SYN3: variants seen among roughly 807,000 people sequenced by gnomAD.
SYN3 encodes the protein synapsin-3.
In SYN3, 35 loss-of-function variants were observed where a neutral mutation model predicts 65.8. That is an observed-to-expected ratio of 0.53 (90% CI 0.41 to 0.70). The LOEUF is 0.70. Among genes scored for constraint, SYN3 ranks in the 30% least tolerant of loss-of-function variants. SYN3 has a pLI of 0.00. For synonymous variants in SYN3, 270 were observed against 292.9 expected (o/e 0.92, Z 0.80); for missense variants, 680 against 749.0 (o/e 0.91, Z 1.08).
chr22:32,679,030 T>C (rs1330469042), intron 6 of SYN3, among the ~76,000 whole-genome samples: 7 of 150,536 alleles, frequency 4.7e-5, no homozygotes, highest in Non-Finnish European at 1.0e-4. Flanking sequence ...AGACATTTTC[T>C]TTTTTCTTTG....
At chr22:33,000,450 G>A (rs133938) in intron 2 of SYN3, among the ~76,000 whole-genome samples, 60,168 of 151,936 alleles carry the variant, frequency 0.4, 12,314 homozygotes, top group Middle Eastern at 0.47. Context: ...GTTTTGGATC[G>A]TCCTCAAGGG....
intron 3 of SYN3, among the ~76,000 whole-genome samples, chr22:32,936,244 A>T (rs2050772998): frequency 6.6e-6 from 1 of 152,196 alleles, no homozygotes; most frequent in African/African-American, 2.4e-5. Flanking sequence ...ATTACATATC[A>T]GTTTTCAGGA....
intron 7 of SYN3, among the ~76,000 whole-genome samples, chr22:32,546,133 A>G (rs977854691): frequency 1.3e-5 from 2 of 152,080 alleles, no homozygotes; most frequent in Non-Finnish European, 2.9e-5. Context: ...CCCACATTGT[A>G]TGACACCTGG....
chr22:32,582,811 C>A (rs144104717), intron 7 of SYN3, among the ~76,000 whole-genome samples: 2 of 152,198 alleles, frequency 1.3e-5, no homozygotes, highest in Non-Finnish European at 2.9e-5. Flanking sequence ...CCCAGATCAT[C>A]TGAATCGGTG....
intron 3 of SYN3, among the ~76,000 whole-genome samples, chr22:32,951,679 C>T (rs1326354665): frequency 6.6e-6 from 1 of 152,204 alleles, no homozygotes; most frequent in Non-Finnish European, 1.5e-5. Flanking sequence ...TCAGCTGGGA[C>T]CCATACCCAG....
chr22:32,683,638 C>T (rs1362315886), intron 6 of SYN3, among the ~76,000 whole-genome samples: 2 of 152,064 alleles, frequency 1.3e-5, no homozygotes, highest in African/African-American at 4.8e-5. Context: ...ATGGTGATCC[C>T]GTGTGTTTCT....
At chr22:32,852,944 T>C (rs2048264166) in intron 6 of SYN3, among the ~76,000 whole-genome samples, 1 of 152,192 alleles carries the variant, frequency 6.6e-6, no homozygotes, top group Admixed American at 6.5e-5. Context: ...AGACATGCTC[T>C]CCAGCTGGCT....
At chr22:32,787,856 G>A (rs956896986) in intron 6 of SYN3, among the ~76,000 whole-genome samples, 6 of 152,100 alleles carry the variant, frequency 3.9e-5, no homozygotes, top group African/African-American at 1.2e-4. Context: ...AGAATTAGAA[G>A]GATCTGACTG....
At chr22:32,716,243 T>C (rs1009701739) in intron 6 of SYN3, among the ~76,000 whole-genome samples, 54 of 152,212 alleles carry the variant, frequency 3.5e-4, no homozygotes, top group Admixed American at 1.1e-3. Context: ...GTCTGTCTAC[T>C]TGGACATGTG....
rs570984852 is a variant in SYN3, at chr22:32,837,988, C to T, written c.711+26927G>A. Among the ~76,000 whole-genome samples the T allele has an allele frequency of 7.2e-5, 11 of 152,186 alleles. No individual in the cohort carries two copies. Among genetic ancestry groups the T allele is most frequent in the Non-Finnish European group, 1.3e-4 (9 of 68,034 alleles). ...TAACTGTCTCTAGTGATTCTCTGAT[C>T]CCAGCTCAGGCAGGATGTCTCCCTC... On this transcript the variant is annotated intron_variant, in intron 6 of 13. Transcript: ENST00000358763. The surrounding 1 kb of genome is among the most constrained non-coding windows in gnomAD (Gnocchi z 4.1).
At chr22:32,711,695 A>G (rs2060968302) in intron 6 of SYN3, among the ~76,000 whole-genome samples, 1 of 152,212 alleles carries the variant, frequency 6.6e-6, no homozygotes, top group South Asian at 2.1e-4. Context: ...GCAAGCCAAG[A>G]GGTCTATTCA....
intron 6 of SYN3, among the ~76,000 whole-genome samples, chr22:32,803,943 C>T (rs1018260506): frequency 6.6e-6 from 1 of 152,186 alleles, no homozygotes; most frequent in African/African-American, 2.4e-5. Flanking sequence ...TGAAAACAAG[C>T]ATGAGTAGAT....
intron 6 of SYN3, among the ~76,000 whole-genome samples, chr22:32,724,948 G>A (rs546087321): frequency 6.6e-6 from 1 of 152,246 alleles, no homozygotes; most frequent in African/African-American, 2.4e-5. Flanking sequence ...GTGAAATCCT[G>A]TCTCTACTAA....
chr22:32,976,999 G>T (rs796096722), intron 3 of SYN3, among the ~76,000 whole-genome samples: 45 of 151,994 alleles, frequency 3.0e-4, no homozygotes, highest in African/African-American at 9.9e-4. Context: ...ATTCCTGGGG[G>T]GGGGGTTGCT....
intron 4 of SYN3, among the ~76,000 whole-genome samples, chr22:32,900,142 T>C (rs1354453592): frequency 6.6e-6 from 1 of 152,122 alleles, no homozygotes; most frequent in Admixed American, 6.6e-5. Context: ...AGCTAAAATA[T>C]TCTGAGAGAG....
At chr22:32,597,982 G>A (rs2059226461) in intron 6 of SYN3, among the ~76,000 whole-genome samples, 1 of 152,180 alleles carries the variant, frequency 6.6e-6, no homozygotes, top group African/African-American at 2.4e-5. Flanking sequence ...TTGTTCATGT[G>A]TTTTTTGAGG....
chr22:32,698,449 C>T (rs1042693887), intron 6 of SYN3, among the ~76,000 whole-genome samples: 5 of 152,282 alleles, frequency 3.3e-5, no homozygotes, highest in South Asian at 2.1e-4. Flanking sequence ...AATCTCTTAC[C>T]GTTTCTTTCA....
At chr22:32,537,497 G>A (rs2058185481) in intron 9 of SYN3, among the ~76,000 whole-genome samples, 1 of 152,150 alleles carries the variant, frequency 6.6e-6, no homozygotes, top group Non-Finnish European at 1.5e-5. Context: ...AGTGTCTAAA[G>A]GGAGAAAGAC....
intron 6 of SYN3, among the ~76,000 whole-genome samples, chr22:32,666,474 A>G (rs1384844986): frequency 1.3e-5 from 2 of 151,698 alleles, no homozygotes; most frequent in Admixed American, 6.6e-5. Context: ...TCTCCAACTC[A>G]CTGAGGACTC....
Sources: allele counts gnomAD v4.1 joint callset (sites outside exome capture counted in the v4.1 genomes callset), GRCh38; gene constraint gnomAD v4.1.1; non-coding constraint Gnocchi (gnomAD v3.1); transcripts MANE v1.5; gene names NCBI Gene and HGNC (gene_info 2026-07-23, HGNC 2026-07-21).